RALGAPA1: variants seen among roughly 807,000 people sequenced by gnomAD.
RALGAPA1 encodes Ral GTPase activating protein catalytic subunit alpha 1.
Under a neutral mutation model 269.6 loss-of-function variants are expected in RALGAPA1, and 52 were observed. The ratio of observed to expected loss-of-function variants is 0.19; its 90% CI spans 0.15 to 0.24. The LOEUF is 0.24. Among genes scored for constraint, RALGAPA1 ranks in the 10% least tolerant of loss-of-function variants. The pLI, the probability that RALGAPA1 is intolerant of heterozygous loss-of-function variation, is 1.00. For missense variants in RALGAPA1, 1,917 were observed against 3,013.9 expected (o/e 0.64, Z 8.52); for synonymous variants, 817 against 1,008.3 (o/e 0.81, Z 3.60).
chr14:35,649,833 T>C (rs2139982051), intron 31 of RALGAPA1, among the ~76,000 whole-genome samples: 1 of 152,358 alleles, frequency 6.6e-6, no homozygotes, highest in African/African-American at 2.4e-5. Flanking sequence ...GGGAGTATCA[T>C]GTTTACCTCT....
intron 11 of RALGAPA1, 47 bp from the exon 12 acceptor site, chr14:35,738,697 G>T (rs766965088): frequency 4.7e-6 from 7 of 1,484,564 alleles, no homozygotes; most frequent in Middle Eastern, 3.5e-4. Context: ...TAAGAATGCT[G>T]CAACTAGTCA....
At chr14:35,668,280 C>G (rs1383663896) in intron 26 of RALGAPA1, among the ~76,000 whole-genome samples, 1 of 152,154 alleles carries the variant, frequency 6.6e-6, no homozygotes, top group Non-Finnish European at 1.5e-5. Context: ...GTCAGGAGTT[C>G]AAGACCAGCC....
intron 17 of RALGAPA1, 42 bp from the exon 18 acceptor site, chr14:35,690,045 A>G (rs1595155644): frequency 7.5e-7 from 1 of 1,325,940 alleles, no homozygotes; most frequent in Non-Finnish European, 1.0e-6. Context: ...AACTACACAA[A>G]TATAAAAAAT....
At chr14:35,576,544 G>A (rs149522640) in intron 37 of RALGAPA1, among the ~76,000 whole-genome samples, 1 of 151,974 alleles carries the variant, frequency 6.6e-6, no homozygotes, top group Non-Finnish European at 1.5e-5. Context: ...ATGTCAAATG[G>A]GACAGGCTTG....
Position 35,627,478 on chromosome 14 carries a change from T to C in RALGAPA1, c.6469A>G (p.Ile2157Val). ...PPTSNECLED[I>V]TVKDGLSLQF... ...AGAGAAAGTCCATCTTTTACGGTTA[T>C]ATCTTCTAAGCATTCATTAGATGTC... Residue 2157 changes from isoleucine (I) to valine (V), a missense_variant, in exon 34 of 42, where the codon ATA (isoleucine) becomes GTA (valine). Physicochemically the swap from Ile to Val is conservative, Grantham distance 29. Coordinates refer to ENST00000680220, the MANE Select transcript of RALGAPA1 (RefSeq NM_001346249.2). The C allele has an allele frequency of 1.2e-6, 2 of 1,613,382 alleles. No individual in the cohort carries two copies. Among genetic ancestry groups the C allele is most frequent in the Non-Finnish European group, 1.7e-6 (2 of 1,179,852 alleles).
chr14:35,761,335 T>G (rs879420880), intron 5 of RALGAPA1, among the ~76,000 whole-genome samples: 55 of 152,254 alleles, frequency 3.6e-4, no homozygotes, highest in Non-Finnish European at 6.8e-4. Context: ...CCATCACCAC[T>G]AGTCTAAACC....
intron 16 of RALGAPA1, among the ~76,000 whole-genome samples, chr14:35,711,474 G>A (rs1258578704): frequency 2.0e-5 from 3 of 152,200 alleles, no homozygotes; most frequent in East Asian, 1.9e-4. Context: ...TTAAGACAGG[G>A]TCACATTCTG....
chr14:35,734,268 CAAA>C (rs1271899066), intron 12 of RALGAPA1, among the ~76,000 whole-genome samples: 1 of 152,096 alleles, frequency 6.6e-6, no homozygotes, highest in African/African-American at 2.4e-5. Context: ...GCAAAAACAA[CAAA>C]TCTGGAGGTA....
intron 41 of RALGAPA1, 106 bp from the exon 42 acceptor site, chr14:35,539,796 A>T: frequency 8.7e-6 from 13 of 1,492,668 alleles, no homozygotes; most frequent in Non-Finnish European, 1.2e-5. Context: ...CCTTAATAAG[A>T]TCTTTCGAGG....
At chr14:35,722,980 A>C in intron 15 of RALGAPA1, 47 bp downstream of exon 15, 1 of 1,199,476 alleles carries the variant, frequency 8.3e-7, no homozygotes, top group South Asian at 1.6e-5. Flanking sequence ...CCCTGACTCA[A>C]TTATTTAAAC....
At chr14:35,588,739 A>G (rs1482020799) in intron 37 of RALGAPA1, among the ~76,000 whole-genome samples, 1 of 152,174 alleles carries the variant, frequency 6.6e-6, no homozygotes, top group African/African-American at 2.4e-5. Context: ...ATGATCCAGC[A>G]ATCCCCCTAC....
rs571413801 is a variant in RALGAPA1 at position 35,673,851 on chromosome 14, C to T, written c.4917+329G>A. 5.9e-5 allele frequency among the ~76,000 whole-genome samples: 9 copies of T among 152,128 alleles called. No homozygotes were observed. In the South Asian group the frequency reaches 1.2e-3, roughly 21 times the overall value. ...CCCGGCTCAGCCTCCCAAAGTGCTG[C>T]GATTACAGGTGTGAGTCACCTCACC... On this transcript the variant is annotated intron_variant, in intron 24 of 41. Transcript: ENST00000680220.
At chr14:35,626,246 T>C (rs2060981591) in intron 34 of RALGAPA1, among the ~76,000 whole-genome samples, 1 of 152,150 alleles carries the variant, frequency 6.6e-6, no homozygotes, top group Admixed American at 6.5e-5. Flanking sequence ...GAGTTTTAAA[T>C]CAAGTAAGAG....
At position 35,712,747 on chromosome 14, in the gene RALGAPA1, T is replaced by A. The variant is rs375873021; in HGVS notation, c.2266+8941A>T. Among the ~76,000 whole-genome samples the A allele has an allele frequency of 1.4e-4, 21 of 152,244 alleles. No individual in the cohort carries two copies. In the East Asian group the frequency reaches 3.5e-3, roughly 25 times the overall value. On this transcript the variant is annotated intron_variant, in intron 16 of 41. Transcript: ENST00000680220. ...GCCTCCAACTCCTGGCCTCAAGCAA[T>A]CCTCCCACCACCTCAGTCTAAAGTG...
At chr14:35,745,914 C>T (rs1394557096) in intron 10 of RALGAPA1, among the ~76,000 whole-genome samples, 2 of 151,808 alleles carry the variant, frequency 1.3e-5, no homozygotes, top group African/African-American at 2.4e-5. Flanking sequence ...ATAGCGAGAA[C>T]CCCTCTCTAC....
chr14:35,660,936 G>A (rs771434173), intron 27 of RALGAPA1, among the ~76,000 whole-genome samples: 1 of 152,174 alleles, frequency 6.6e-6, no homozygotes, highest in Non-Finnish European at 1.5e-5. Context: ...GAAGCAGAGA[G>A]TAGAACGGTA....
At chr14:35,593,346 G>A (rs1233800285) in intron 37 of RALGAPA1, among the ~76,000 whole-genome samples, 1 of 152,020 alleles carries the variant, frequency 6.6e-6, no homozygotes, top group Non-Finnish European at 1.5e-5. Context: ...AAAACACAAT[G>A]AAATGGAAAG....
chr14:35,790,436 C>T (rs888115752), intron 1 of RALGAPA1, among the ~76,000 whole-genome samples: 10 of 151,886 alleles, frequency 6.6e-5, no homozygotes, highest in Admixed American at 2.6e-4. Flanking sequence ...GCCTGTAATC[C>T]CAGCACTTTG....
At chr14:35,651,024 C>G (rs186202586) in intron 31 of RALGAPA1, among the ~76,000 whole-genome samples, 148 of 152,124 alleles carry the variant, frequency 9.7e-4, no homozygotes, top group Non-Finnish European at 1.6e-3. Flanking sequence ...CCATAGTGAG[C>G]AGCACCGACC....
Sources: gnomAD v4.1 joint callset for allele counts (sites outside exome capture counted in the v4.1 genomes callset) on GRCh38, gnomAD v4.1.1 for gene constraint, MANE v1.5 for transcripts, NCBI Gene and HGNC (gene_info 2026-07-23, HGNC 2026-07-21) for gene names.